The following TENT5A variants were observed in gnomAD, a reference collection of about 807,000 sequenced individuals.
TENT5A encodes the protein HBV X-transactivated gene 11 protein.
Under a neutral mutation model 30.2 loss-of-function variants are expected in TENT5A, and 9 were observed. The ratio of observed to expected loss-of-function variants is 0.30; its 90% CI spans 0.18 to 0.52. TENT5A has a LOEUF of 0.52. Ranked by LOEUF, TENT5A falls within the 20% of genes least tolerant of loss-of-function variation. The probability of loss-of-function intolerance (pLI) is 0.97; values close to 1 mark genes in which losing one functional copy is unlikely to be tolerated. For missense variants in TENT5A, 411 were observed against 566.1 expected, an observed-to-expected ratio of 0.73 and a Z score of 2.78; for synonymous variants, 264 against 234.2, an observed-to-expected ratio of 1.13 and a Z score of -1.16.
Position 81,752,458 on chromosome 6 carries a change from G to A in TENT5A, c.-65C>T, listed in dbSNP as rs899979471. On this transcript the variant is annotated 5_prime_UTR_variant, in exon 1 of 3. Transcript: ENST00000320172. ...GGAGGCGGCCGCCCCTTCTAGGAGC[G>A]CAGCGAGCGAGAGCGAAACCGAGAG... The A allele has an allele frequency of 7.7e-6, 12 of 1,549,382 alleles. No homozygotes were observed. The highest frequency in any genetic ancestry group is 1.2e-5 in the South Asian group (1 of 84,038).
chr6:81,745,934 G>A lies in TENT5A; in HGVS notation c.*3761C>T. On this transcript the variant is annotated 3_prime_UTR_variant, in exon 3 of 3. Coordinates refer to ENST00000320172, the MANE Select transcript of TENT5A (RefSeq NM_017633.3). ...ACCCAAGGTGCAGCTTGCTGCAACA[G>A]AACACCTCAAAGCAGGCATGATTGT... 1 of 985,642 alleles carries A rather than the reference G, an allele frequency of 1.0e-6. No individual in the cohort carries two copies. The highest frequency in any genetic ancestry group is 1.2e-6 in the Non-Finnish European group (1 of 829,938). The allele number at this position is 985,642 out of a possible 1,614,324, so 61.1% of individuals were successfully genotyped here. A position where few individuals can be genotyped will look rare whatever the true frequency, so the allele number is the denominator to read the frequency against.
rs753562608 is a variant in TENT5A, at chr6:81,751,950, A to G, written c.192T>C (p.Asn64=). Residue 64 remains asparagine, a synonymous_variant, in exon 2 of 3, where the codon AAT becomes AAC. Coordinates refer to ENST00000320172, the MANE Select transcript of TENT5A (RefSeq NM_017633.3). The part of the protein sequence containing the change: ...DYCESPTAHC[N]VLNWEQVQRL... ...GCTGCACTTGCTCCCAGTTCAGCAC[A>G]TTGCAGTGCGCCGTAGGGCTTTCGC... The G allele has an allele frequency of 6.2e-7, 1 of 1,612,870 alleles. No homozygotes were observed. Among genetic ancestry groups the G allele is most frequent in the Admixed American group, 1.7e-5 (1 of 60,004 alleles).
At position 81,748,480 on chromosome 6, in the gene TENT5A, T is replaced by G. The variant is rs1425524298; in HGVS notation, c.*1215A>C. ...ACTTGGTTCCCTCCTTCATTTAATT[T>G]TTTTAGATGTGGATTTAATTCATCA... On this transcript the variant is annotated 3_prime_UTR_variant, in exon 3 of 3. Transcript: ENST00000320172. 1 of 982,326 alleles carries G rather than the reference T, an allele frequency of 1.0e-6. No homozygotes were observed. Among genetic ancestry groups the G allele is most frequent in the Non-Finnish European group, 1.2e-6 (1 of 827,308 alleles). 60.9% of individuals were successfully genotyped at this position (982,326 alleles called of 1,614,324 possible). A position where few individuals can be genotyped will look rare whatever the true frequency, so the allele number is the denominator to read the frequency against.
Position 81,751,704 on chromosome 6 carries a change from G to A in TENT5A, c.438C>T (p.Ala146=), listed in dbSNP as rs761264358. Residue 146 remains alanine (A), a synonymous_variant, in exon 2 of 3, where the codon GCC becomes GCT. Transcript: ENST00000320172. ...GAAACTCCCCTTCCCCGCGCAGGTC[G>A]GCGCAGAAGATGAGGTCCAGGTCCT... is the stretch of plus-strand genomic sequence containing the variant. ...GYKDLDLIFC[A]DLRGEGEFQT... 2.5e-6 allele frequency: 4 copies of A among 1,614,152 alleles called. No individual in the cohort carries two copies. In the South Asian group the frequency reaches 4.4e-5, roughly 18 times the overall value.
In TENT5A at chr6:81,748,099, G is replaced by T. The variant is rs1197459511; in HGVS notation, c.*1596C>A. On this transcript the variant is annotated 3_prime_UTR_variant, in exon 3 of 3. Coordinates refer to ENST00000320172, the MANE Select transcript of TENT5A (RefSeq NM_017633.3). Reference sequence around the variant, plus strand: ...ATTGTGCAAATATTCTGTAAAAAGGGTCATTTCACATTACTAAATTCTAGT... The same window carrying T: ...ATTGTGCAAATATTCTGTAAAAAGGTTCATTTCACATTACTAAATTCTAGT... 1.0e-6 allele frequency: 1 copy of T among 984,064 alleles called. No individual in the cohort carries two copies. Among genetic ancestry groups the T allele is most frequent in the African/African-American group, 1.8e-5 (1 of 57,032 alleles). 61.0% of individuals were successfully genotyped at this position (984,064 alleles called of 1,614,324 possible). A position where few individuals can be genotyped will look rare whatever the true frequency, so the allele number is the denominator to read the frequency against.
Position 81,749,458 on chromosome 6 carries a change from G to A in TENT5A, c.*237C>T. Reference sequence around the variant, plus strand: ...AATGACAGGTCTCTCTTTTTTTGCAGGATAGAATCCAATTGGGTAGGAGAA... The same window carrying A: ...AATGACAGGTCTCTCTTTTTTTGCAAGATAGAATCCAATTGGGTAGGAGAA... On this transcript the variant is annotated 3_prime_UTR_variant, in exon 3 of 3. Transcript: ENST00000320172. 1 of 1,262,202 alleles carries A rather than the reference G, an allele frequency of 7.9e-7. No individual in the cohort carries two copies. Among genetic ancestry groups the A allele is most frequent in the Non-Finnish European group, 1.0e-6 (1 of 1,004,652 alleles). 78.2% of individuals were successfully genotyped at this position (1,262,202 alleles called of 1,614,324 possible). A position where few individuals can be genotyped will look rare whatever the true frequency, so the allele number is the denominator to read the frequency against.
chr6:81,747,070 C>T lies in TENT5A; in HGVS notation c.*2625G>A, dbSNP rs1768900005. On this transcript the variant is annotated 3_prime_UTR_variant, in exon 3 of 3. Transcript: ENST00000320172. Reference sequence around the variant, plus strand: ...AAATCAAAGTGTATTTCAAATAAGGCTCTTCCAAACAAAAATCTGTGTTAT... The same window carrying T: ...AAATCAAAGTGTATTTCAAATAAGGTTCTTCCAAACAAAAATCTGTGTTAT... The T allele has an allele frequency of 3.1e-6, 3 of 983,202 alleles. No individual in the cohort carries two copies. Among genetic ancestry groups the T allele is most frequent in the Non-Finnish European group, 3.6e-6 (3 of 828,004 alleles). 60.9% of individuals were successfully genotyped at this position (983,202 alleles called of 1,614,324 possible). A position where few individuals can be genotyped will look rare whatever the true frequency, so the allele number is the denominator to read the frequency against.
Position 81,750,328 on chromosome 6 carries a change from A to C in TENT5A, c.696T>G (p.Ser232=), listed in dbSNP as rs200405983. The change falls in exon 3 of 3, where the codon TCT becomes TCG. Residue 232 remains serine, a synonymous_variant. Transcript: ENST00000320172. This position sits in a 1 kb window ranked among gnomAD's most constrained non-coding sequence, Gnocchi z 4.2. ...LRRQFEFSVD[S]FQIKLDSLLL... is the part of the protein sequence containing the mutation. ...GAAGAGAGTCTAATTTGATTTGAAA[A>C]GAATCTACACTGAATTCAAACTGCC... The C allele has an allele frequency of 3.5e-4, 557 of 1,612,826 alleles. 8 individuals are homozygous for C. The South Asian group carries it at 5.7e-3, about 17-fold the overall frequency.
Position 81,751,701 on chromosome 6 carries a change from G to A in TENT5A, c.441C>T (p.Asp147=), listed in dbSNP as rs1390675336. The A allele has an allele frequency of 4.3e-6, 7 of 1,614,156 alleles. No homozygotes were observed. The highest frequency in any genetic ancestry group is 1.1e-5 in the South Asian group (1 of 91,088). ...TCTGAAACTCCCCTTCCCCGCGCAG[G>A]TCGGCGCAGAAGATGAGGTCCAGGT... ...YKDLDLIFCA[D]LRGEGEFQTV... Residue 147 remains aspartate, a synonymous_variant, in exon 2 of 3, where the codon GAC becomes GAT. Transcript: ENST00000320172.
chr6:81,749,233 A>G lies in TENT5A; in HGVS notation c.*462T>C. Reference sequence around the variant, plus strand: ...TTCCCCTTTTTCCTGTATTGTTACTATTAATATCTGAACTCCTAAACTGAT... The same window carrying G: ...TTCCCCTTTTTCCTGTATTGTTACTGTTAATATCTGAACTCCTAAACTGAT... On this transcript the variant is annotated 3_prime_UTR_variant, in exon 3 of 3. Coordinates refer to ENST00000320172, the MANE Select transcript of TENT5A (RefSeq NM_017633.3). 4 of 987,196 alleles carry G rather than the reference A, an allele frequency of 4.1e-6. No individual in the cohort carries two copies. Among genetic ancestry groups the G allele is most frequent in the Middle Eastern group, 5.2e-4 (1 of 1,914 alleles). 61.2% of individuals were successfully genotyped at this position (987,196 alleles called of 1,614,324 possible). A position where few individuals can be genotyped will look rare whatever the true frequency, so the allele number is the denominator to read the frequency against.
intron 1 of TENT5A, 54 bp from the exon 2 acceptor site, chr6:81,752,232 CGCG>C (rs1769061435): frequency 1.7e-5 from 22 of 1,323,554 alleles, no homozygotes; most frequent in Non-Finnish European, 2.2e-5. Flanking sequence ...GGAGAGCACG[CGCG>C]GCGGCGGAGA....
chr6:81,749,623 T>G lies in TENT5A; in HGVS notation c.*72A>C, dbSNP rs903987448. The G allele has an allele frequency of 7.3e-6, 11 of 1,514,622 alleles. No homozygotes were observed. The highest frequency in any genetic ancestry group is 9.7e-6 in the Non-Finnish European group (11 of 1,137,810). 93.8% of individuals were successfully genotyped at this position (1,514,622 alleles called of 1,614,324 possible). A position where few individuals can be genotyped will look rare whatever the true frequency, so the allele number is the denominator to read the frequency against. On this transcript the variant is annotated 3_prime_UTR_variant, in exon 3 of 3. Coordinates refer to ENST00000320172, the MANE Select transcript of TENT5A (RefSeq NM_017633.3). ...TAATAAGGGCTGGATCACTCTTTTTTTTTTCTTTTTTTTTTTTTTCTCTCC... is the reference window on the plus strand; with the variant it reads ...TAATAAGGGCTGGATCACTCTTTTTGTTTTCTTTTTTTTTTTTTTCTCTCC...
rs914873801 is a variant in TENT5A, at chr6:81,747,335, T to C, written c.*2360A>G. 2 of 985,650 alleles carry C rather than the reference T, an allele frequency of 2.0e-6. No homozygotes were observed. Among genetic ancestry groups the C allele is most frequent in the African/African-American group, 3.5e-5 (2 of 57,194 alleles). The allele number at this position is 985,650 out of a possible 1,614,324, so 61.1% of individuals were successfully genotyped here. ...AAACTGAACAATGTTTCCTGGGAAG[T>C]TGCAATTAATTTTTCAAACCCAGGG... is the stretch of plus-strand genomic sequence containing the variant. On this transcript the variant is annotated 3_prime_UTR_variant, in exon 3 of 3. Coordinates refer to ENST00000320172, the MANE Select transcript of TENT5A (RefSeq NM_017633.3).
rs574270830 is a variant in TENT5A, at chr6:81,746,704, G to C, written c.*2991C>G. 8.1e-7 allele frequency: 1 copy of C among 1,227,482 alleles called. No homozygotes were observed. The highest frequency in any genetic ancestry group is 1.0e-6 in the Non-Finnish European group (1 of 985,540). 76.0% of individuals were successfully genotyped at this position (1,227,482 alleles called of 1,614,324 possible). ...CCTGGTTTAAAGAAACAGCACACTA[G>C]GCCAGATAAACACAAAAGGAAACAA... is the stretch of plus-strand genomic sequence containing the variant. On this transcript the variant is annotated 3_prime_UTR_variant, in exon 3 of 3. Transcript: ENST00000320172.
At position 81,747,986 on chromosome 6, in the gene TENT5A, G is replaced by A. The variant is rs919565811; in HGVS notation, c.*1709C>T. 29 of 983,336 alleles carry A rather than the reference G, an allele frequency of 2.9e-5. No homozygotes were observed. Among genetic ancestry groups the A allele is most frequent in the Non-Finnish European group, 3.5e-5 (29 of 827,832 alleles). 60.9% of individuals were successfully genotyped at this position (983,336 alleles called of 1,614,324 possible). ...GTACAGTACTAAATATTTAAATGCA[G>A]TGTGACAACCAGATCAAAGATGTTT... On this transcript the variant is annotated 3_prime_UTR_variant, in exon 3 of 3. Transcript: ENST00000320172.
chr6:81,749,062 T>C lies in TENT5A; in HGVS notation c.*633A>G. 1 of 985,882 alleles carries C rather than the reference T, an allele frequency of 1.0e-6. No homozygotes were observed. The highest frequency in any genetic ancestry group is 1.2e-6 in the Non-Finnish European group (1 of 829,934). The allele number at this position is 985,882 out of a possible 1,614,324, so 61.1% of individuals were successfully genotyped here. ...TATGCACGCAGCTGGAATTAATGGA[T>C]TGTGTCATCATAAGTTCTGCTGATT... is the stretch of plus-strand genomic sequence containing the variant. On this transcript the variant is annotated 3_prime_UTR_variant, in exon 3 of 3. Transcript: ENST00000320172.
rs1581987847 is a variant in TENT5A at position 81,746,819 on chromosome 6, C to T, written c.*2876G>A. 1.8e-5 allele frequency: 21 copies of T among 1,179,086 alleles called. No homozygotes were observed. Among genetic ancestry groups the T allele is most frequent in the Middle Eastern group, 3.4e-4 (1 of 2,956 alleles). 73.0% of individuals were successfully genotyped at this position (1,179,086 alleles called of 1,614,324 possible). On this transcript the variant is annotated 3_prime_UTR_variant, in exon 3 of 3. Transcript: ENST00000320172. The stretch of plus-strand genomic sequence containing the variant: ...TCACCAGACATTCAAATTTTTAGGC[C>T]GCACATCCACAAAGAGAGACATATA...
chr6:81,747,750 G>A lies in TENT5A; in HGVS notation c.*1945C>T. ...TGGTTGTTTCACAACACAAAGGGAAGGTTCTTATGTGTTAGTTTTGTTTTG... is the reference window on the plus strand; with the variant it reads ...TGGTTGTTTCACAACACAAAGGGAAAGTTCTTATGTGTTAGTTTTGTTTTG... On this transcript the variant is annotated 3_prime_UTR_variant, in exon 3 of 3. Coordinates refer to ENST00000320172, the MANE Select transcript of TENT5A (RefSeq NM_017633.3). 1 of 985,840 alleles carries A rather than the reference G, an allele frequency of 1.0e-6. No individual in the cohort carries two copies. Among genetic ancestry groups the A allele is most frequent in the African/African-American group, 1.7e-5 (1 of 57,346 alleles). The allele number at this position is 985,840 out of a possible 1,614,324, so 61.1% of individuals were successfully genotyped here.
chr6:81,750,807 AAAC>A lies in TENT5A; in HGVS notation c.553-339_553-337del, dbSNP rs1769015308. Among the ~76,000 whole-genome samples, 1 of 152,198 alleles carries A rather than the reference AAAC, an allele frequency of 6.6e-6. No homozygotes were observed. The highest frequency in any genetic ancestry group is 2.4e-5 in the African/African-American group (1 of 41,438). ...TAGGCACAATATTCACACAGTATCC[AAAC>A]AACATTCAAAAGACTCGGAAGGGCA... On this transcript the variant is annotated intron_variant, in intron 2 of 2. Coordinates refer to ENST00000320172, the MANE Select transcript of TENT5A (RefSeq NM_017633.3). The surrounding 1 kb of genome is among the most constrained non-coding windows in gnomAD (Gnocchi z 4.2).
Sources: allele counts gnomAD v4.1 joint callset (sites outside exome capture counted in the v4.1 genomes callset), GRCh38; gene constraint gnomAD v4.1.1; non-coding constraint Gnocchi (gnomAD v3.1); transcripts MANE v1.5; gene names NCBI Gene and HGNC (gene_info 2026-07-23, HGNC 2026-07-21).